CD80: variants seen among roughly 807,000 people sequenced by gnomAD.
The protein encoded by CD80 is CD80 molecule, also known as T-lymphocyte activation antigen CD80.
CD80 carries 13 observed loss-of-function variants against 27.1 expected under a neutral mutation model. The ratio of observed to expected loss-of-function variants is 0.48; its 90% CI spans 0.31 to 0.76. CD80 has a LOEUF of 0.76. Among genes scored for constraint, CD80 ranks in the 30% least tolerant of loss-of-function variants. CD80 has a pLI of 0.04. For missense variants in CD80, 277 were observed against 347.9 expected, an observed-to-expected ratio of 0.80 and a Z score of 1.62; for synonymous variants, 125 against 125.5, an observed-to-expected ratio of 1.00 and a Z score of 0.03.
chr3:119,542,929 CCCTGCA>C (rs1293363719), intron 3 of CD80, among the ~76,000 whole-genome samples: 5 of 152,288 alleles, frequency 3.3e-5, no homozygotes, highest in African/African-American at 1.2e-4. Context: ...ATTTTGCAGC[CCCTGCA>C]CTTGATGGAT....
intron 1 of CD80, among the ~76,000 whole-genome samples, chr3:119,558,563 G>T (rs1053606520): frequency 6.6e-6 from 1 of 152,140 alleles, no homozygotes; most frequent in Non-Finnish European, 1.5e-5. Flanking sequence ...AGGAGTTCCA[G>T]ACCAGCCTGG....
chr3:119,537,580 ACACCTGAGGTCAGGAGTTT>A (rs1386745620), intron 3 of CD80, among the ~76,000 whole-genome samples, 162 bp from the exon 4 acceptor site: 1 of 152,104 alleles, frequency 6.6e-6, no homozygotes, highest in Non-Finnish European at 1.5e-5. Flanking sequence ...GGCAGGTGGA[ACACCTGAGGTCAGGAGTTT>A]GAGACCAGCC....
chr3:119,545,099 T>A (rs1286637319), intron 2 of CD80, among the ~76,000 whole-genome samples: 3 of 152,160 alleles, frequency 2.0e-5, no homozygotes, highest in African/African-American at 4.8e-5. Flanking sequence ...ATCCCAGCAC[T>A]TTGGGAGGCC....
chr3:119,548,749 G>A (rs1439686986), intron 2 of CD80, among the ~76,000 whole-genome samples: 2 of 151,972 alleles, frequency 1.3e-5, no homozygotes, highest in East Asian at 3.9e-4. Flanking sequence ...AAGAAACAGA[G>A]TCCCAGGCCG....
rs114687438 is a variant in CD80, at chr3:119,551,721, C to T, written c.100+5908G>A. 2.0e-3 allele frequency among the ~76,000 whole-genome samples: 309 copies of T among 152,278 alleles called. 1 individual carries two copies. The highest frequency in any genetic ancestry group is 7.2e-3 in the African/African-American group (298 of 41,554). ...TCCCTGCTTCACATAATTATCACAG[C>T]GATCACAGGATACCAGATGTAAAGT... On this transcript the variant is annotated intron_variant, in intron 2 of 6. Coordinates refer to ENST00000264246, the MANE Select transcript of CD80 (RefSeq NM_005191.4).
intron 2 of CD80, among the ~76,000 whole-genome samples, chr3:119,554,565 G>A (rs2082252212): frequency 6.6e-6 from 1 of 152,162 alleles, no homozygotes; most frequent in Non-Finnish European, 1.5e-5. Context: ...AGCCTGGCTG[G>A]TTCCACCCTG....
At chr3:119,537,559 T>TGGGAGGCC in intron 3 of CD80, 141 bp from the exon 4 acceptor site, 1 of 629,656 alleles carries the variant, frequency 1.6e-6, no homozygotes. Flanking sequence ...CCCAGCACTT[T>TGGGAGGCC]GGGAGGCCGA....
At chr3:119,528,794 C>A (rs890429858) in intron 5 of CD80, among the ~76,000 whole-genome samples, 2 of 151,842 alleles carry the variant, frequency 1.3e-5, no homozygotes, top group African/African-American at 4.8e-5. Context: ...GGCGTGGCAG[C>A]ACGCACCTGT....
intron 3 of CD80, 149 bp downstream of exon 3, chr3:119,544,401 A>T: frequency 1.6e-6 from 1 of 635,546 alleles, no homozygotes; most frequent in Non-Finnish European, 2.8e-6. Flanking sequence ...AACCAGTTAG[A>T]GTTTATTGTA....
chr3:119,556,093 C>T (rs1238992853), intron 2 of CD80, among the ~76,000 whole-genome samples: 1 of 152,178 alleles, frequency 6.6e-6, no homozygotes, highest in African/African-American at 2.4e-5. Flanking sequence ...ATATGCAGAC[C>T]TCTTTGAGTG....
chr3:119,557,816 G>C lies in CD80; in HGVS notation c.-88C>G. ...ACTTCCCAGGTGCAAAACAGGCAGGGCTGATGACAATCCAATTGCTCACGT... is the reference window on the plus strand; with the variant it reads ...ACTTCCCAGGTGCAAAACAGGCAGGCCTGATGACAATCCAATTGCTCACGT... On this transcript the variant is annotated 5_prime_UTR_variant, in exon 2 of 7. Coordinates refer to ENST00000264246, the MANE Select transcript of CD80 (RefSeq NM_005191.4). The C allele has an allele frequency of 1.3e-6, 1 of 758,236 alleles. No individual in the cohort carries two copies. Among genetic ancestry groups the C allele is most frequent in the Non-Finnish European group, 2.1e-6 (1 of 468,648 alleles). The allele number at this position is 758,236 out of a possible 1,614,324, so 47.0% of individuals were successfully genotyped here.
intron 3 of CD80, among the ~76,000 whole-genome samples, chr3:119,542,431 G>A (rs2082174727): frequency 6.6e-6 from 1 of 152,136 alleles, no homozygotes; most frequent in Non-Finnish European, 1.5e-5. Flanking sequence ...TAATCATTAT[G>A]TTTTATTAAG....
intron 3 of CD80, among the ~76,000 whole-genome samples, chr3:119,538,110 G>A (rs2082149279): frequency 6.6e-6 from 1 of 152,148 alleles, no homozygotes; most frequent in South Asian, 2.1e-4. Flanking sequence ...ACCCTAGAGA[G>A]GTAGGTTGTA....
intron 2 of CD80, among the ~76,000 whole-genome samples, chr3:119,548,577 G>A (rs1217393680): frequency 6.6e-6 from 1 of 152,174 alleles, no homozygotes; most frequent in Non-Finnish European, 1.5e-5. Context: ...CTGAGGAAAA[G>A]AAACTGCCCC....
chr3:119,543,186 ACT>A (rs1229007681), intron 3 of CD80, among the ~76,000 whole-genome samples: 1 of 151,888 alleles, frequency 6.6e-6, no homozygotes, highest in Non-Finnish European at 1.5e-5. Flanking sequence ...TGCGTAAATT[ACT>A]CTCTCTATTG....
intron 2 of CD80, among the ~76,000 whole-genome samples, chr3:119,556,773 G>A: frequency 6.6e-6 from 1 of 152,146 alleles, no homozygotes; most frequent in East Asian, 1.9e-4. Context: ...TCATGCTGGA[G>A]CCCAAACTTC....
chr3:119,529,889 G>C lies in CD80; in HGVS notation c.749C>G (p.Thr250Ser). 1 of 1,613,854 alleles carries C rather than the reference G, an allele frequency of 6.2e-7. No individual in the cohort carries two copies. Residue 250 changes from threonine to serine, a missense_variant, in exon 5 of 7, where the codon ACC becomes AGC. Coordinates refer to ENST00000264246, the MANE Select transcript of CD80 (RefSeq NM_005191.4). ...PDNLLPSWAITLISVNGIFVI... is the reference protein window; with the variant it reads ...PDNLLPSWAISLISVNGIFVI... The stretch of plus-strand genomic sequence containing the variant: ...AAAAATTCCATTTACTGAGATTAAG[G>C]TAATGGCCCAGGATGGGAGCAGGTT...
chr3:119,535,985 C>A (rs1307726032), intron 4 of CD80, among the ~76,000 whole-genome samples: 1 of 152,136 alleles, frequency 6.6e-6, no homozygotes, highest in East Asian at 1.9e-4. Context: ...GGTGCAGTGG[C>A]TCACACCTGT....
In CD80 at chr3:119,524,458, A is replaced by ACTG. The variant is rs2082052307; in HGVS notation, c.*1327_*1329dup. The ACTG allele has an allele frequency of 1.3e-5, 2 of 152,216 alleles. No homozygotes were observed. The highest frequency in any genetic ancestry group is 4.1e-4 in the South Asian group (2 of 4,832). The allele number at this position is 152,216 out of a possible 1,614,324, so 9.4% of individuals were successfully genotyped here. A position where few individuals can be genotyped will look rare whatever the true frequency, so the allele number is the denominator to read the frequency against. ...AAGTATTCCTGTCAATACGGGAAAC[A>ACTG]CTGCTAGTACCTTATGTTGGTGTTA... On this transcript the variant is annotated 3_prime_UTR_variant, in exon 7 of 7. Coordinates refer to ENST00000264246, the MANE Select transcript of CD80 (RefSeq NM_005191.4).
Sources: gnomAD v4.1 joint callset for allele counts (sites outside exome capture counted in the v4.1 genomes callset) on GRCh38, gnomAD v4.1.1 for gene constraint, MANE v1.5 for transcripts, NCBI Gene and HGNC (gene_info 2026-07-23, HGNC 2026-07-21) for gene names.